The following SLC25A48 variants were observed in gnomAD, a reference collection of about 807,000 sequenced individuals.
SLC25A48 encodes the protein solute carrier family 25 member 48, also known as CTC-321K16.1.
Under a neutral mutation model 32.2 loss-of-function variants are expected in SLC25A48, and 29 were observed. That is an observed-to-expected ratio of 0.90 (90% CI 0.67 to 1.23). The LOEUF (loss-of-function observed/expected upper bound fraction) is 1.23, where lower values mean the gene tolerates loss of function less well. Among genes scored for constraint, SLC25A48 ranks in the 50% most tolerant of loss-of-function variants. The pLI, the probability that SLC25A48 is intolerant of heterozygous loss-of-function variation, is 0.00. For missense variants in SLC25A48, 399 were observed against 422.7 expected (o/e 0.94, Z 0.49); for synonymous variants, 164 against 172.3 (o/e 0.95, Z 0.38).
At position 135,779,938 on chromosome 5, in the gene SLC25A48, G is replaced by T. The variant is rs1467366053; in HGVS notation, c.-520-32585G>T. On this transcript the variant is annotated intron_variant, in intron 3 of 10. Transcript: ENST00000646290. ...TGAGATATTGATCCCAATAGGTAGG[G>T]TAAAGAATAATATTACTCCCAAGTT... Among the ~76,000 whole-genome samples the T allele has an allele frequency of 2.5e-4, 29 of 115,660 alleles. 8 individuals carry two copies. The Admixed American group carries it at 2.6e-3, about 10-fold the overall frequency. 75.9% of individuals were successfully genotyped at this position (115,660 alleles called of 152,430 possible). A position where few individuals can be genotyped will look rare whatever the true frequency, so the allele number is the denominator to read the frequency against.
At chr5:135,857,252 C>T (rs568605396) in intron 4 of SLC25A48, among the ~76,000 whole-genome samples, 1 of 152,298 alleles carries the variant, frequency 6.6e-6, no homozygotes, top group South Asian at 2.1e-4. Context: ...ATACCAGGCC[C>T]TGAGTGATAG....
rs1358073823 is a variant in SLC25A48 at position 135,651,946 on chromosome 5, G to A, written c.-521+16990G>A. 2.6e-5 allele frequency among the ~76,000 whole-genome samples: 4 copies of A among 152,336 alleles called. No homozygotes were observed. The East Asian group carries it at 5.8e-4, about 22-fold the overall frequency. The stretch of plus-strand genomic sequence containing the variant: ...GATCTCTCTCATAATGGGCACAAAC[G>A]GTGAAGATATTTGAGTCCCGTGTGA... On this transcript the variant is annotated intron_variant, in intron 3 of 10. Coordinates refer to the SLC25A48 transcript ENST00000646290.
intron 3 of SLC25A48, among the ~76,000 whole-genome samples, chr5:135,690,937 G>A (rs550369447): frequency 9.6e-6 from 1 of 104,252 alleles, no homozygotes; most frequent in East Asian, 2.5e-4. Flanking sequence ...GTGTCTTCAG[G>A]GAAGGCATTT....
chr5:135,761,608 C>G (rs1475343212), intron 3 of SLC25A48, among the ~76,000 whole-genome samples: 2 of 152,164 alleles, frequency 1.3e-5, no homozygotes, highest in East Asian at 3.9e-4. Flanking sequence ...ATGATCTACT[C>G]CAATGCAAAT....
At chr5:135,710,301 A>T (rs1357879004) in intron 3 of SLC25A48, among the ~76,000 whole-genome samples, 2 of 152,254 alleles carry the variant, frequency 1.3e-5, no homozygotes, top group African/African-American at 4.8e-5. Flanking sequence ...AATTACTGTC[A>T]TTGGGAACCT....
intron 3 of SLC25A48, among the ~76,000 whole-genome samples, chr5:135,800,805 T>C (rs1384593837): frequency 1.3e-5 from 2 of 151,616 alleles, no homozygotes; most frequent in East Asian, 3.9e-4. Context: ...GAGTGGATGA[T>C]AATACACCCC....
intron 3 of SLC25A48, among the ~76,000 whole-genome samples, chr5:135,700,489 G>A (rs1426879226): frequency 6.6e-6 from 1 of 152,118 alleles, no homozygotes; most frequent in Non-Finnish European, 1.5e-5. Context: ...CGCTATGCTA[G>A]GGGCCGAGGA....
chr5:135,759,746 A>G (rs993272863), intron 3 of SLC25A48, among the ~76,000 whole-genome samples: 1 of 152,000 alleles, frequency 6.6e-6, no homozygotes, highest in African/African-American at 2.4e-5. Context: ...ATCCTTCCAT[A>G]TACGCATCTG....
chr5:135,628,194 G>A (rs1752480530), intron 1 of SLC25A48, among the ~76,000 whole-genome samples: 1 of 152,226 alleles, frequency 6.6e-6, no homozygotes, highest in Non-Finnish European at 1.5e-5. Flanking sequence ...GGGATTAGAT[G>A]TGGAGTCTAA....
intron 3 of SLC25A48, among the ~76,000 whole-genome samples, chr5:135,715,878 A>G (rs1754784240): frequency 6.6e-6 from 1 of 152,182 alleles, no homozygotes; most frequent in African/African-American, 2.4e-5. Flanking sequence ...CTGAGGCTAA[A>G]ATCAGCTTGA....
At chr5:135,692,518 A>G (rs1488971354) in intron 3 of SLC25A48, among the ~76,000 whole-genome samples, 1 of 152,126 alleles carries the variant, frequency 6.6e-6, no homozygotes, top group Non-Finnish European at 1.5e-5. Flanking sequence ...GACAATCAAG[A>G]TGGGTTATAG....
At chr5:135,738,270 A>G (rs1182845330) in intron 3 of SLC25A48, among the ~76,000 whole-genome samples, 1 of 152,132 alleles carries the variant, frequency 6.6e-6, no homozygotes, top group Non-Finnish European at 1.5e-5. Context: ...TGCTACCCAG[A>G]TGGCCAGGGT....
chr5:135,763,194 G>A (rs1189223304), intron 3 of SLC25A48, among the ~76,000 whole-genome samples: 5 of 152,130 alleles, frequency 3.3e-5, no homozygotes, highest in African/African-American at 1.2e-4. Flanking sequence ...ATCCCTCAGT[G>A]AGAACCACAC....
rs556568386 is a variant in SLC25A48 at position 135,742,327 on chromosome 5, C to T, written c.-520-70196C>T. 6.5e-3 allele frequency: 3,879 copies of T among 592,778 alleles called. 32 individuals are homozygous for T. Among genetic ancestry groups the T allele is most frequent in the Non-Finnish European group, 8.1e-3 (3,282 of 404,282 alleles). 36.7% of individuals were successfully genotyped at this position (592,778 alleles called of 1,614,324 possible). ...AACTCCTGGCCTCAAGTGATCTGCC[C>T]GCCTTGGCCTCCCACAGTGCTGGGA... On this transcript the variant is annotated intron_variant, in intron 3 of 10. Transcript: ENST00000646290.
intron 4 of SLC25A48, among the ~76,000 whole-genome samples, chr5:135,864,237 T>C (rs1761023715): frequency 6.6e-6 from 1 of 152,208 alleles, no homozygotes; most frequent in Admixed American, 6.5e-5. Context: ...CAGAGTTGCC[T>C]GGCTGGGAGG....
chr5:135,583,761 T>C (rs904860010), intron 1 of SLC25A48, among the ~76,000 whole-genome samples: 1 of 152,160 alleles, frequency 6.6e-6, no homozygotes, highest in Non-Finnish European at 1.5e-5. Flanking sequence ...AAATACCTGC[T>C]TCCATTGTGT....
chr5:135,756,338 A>C (rs1755903244), intron 3 of SLC25A48, among the ~76,000 whole-genome samples: 3 of 152,176 alleles, frequency 2.0e-5, no homozygotes, highest in African/African-American at 7.2e-5. Flanking sequence ...TGATATTAAT[A>C]AAATATCATC....
chr5:135,663,910 T>C (rs2126936439), intron 3 of SLC25A48, among the ~76,000 whole-genome samples: 1 of 152,284 alleles, frequency 6.6e-6, no homozygotes, highest in Non-Finnish European at 1.5e-5. Flanking sequence ...GTGATGCCCG[T>C]ACATGAGCCA....
intron 3 of SLC25A48, among the ~76,000 whole-genome samples, chr5:135,684,566 T>C (rs996582459): frequency 3.9e-5 from 6 of 152,154 alleles, no homozygotes; most frequent in Non-Finnish European, 5.9e-5. Context: ...GGCCATTGAA[T>C]GTGAGCATAA....
Sources: allele counts gnomAD v4.1 joint callset (sites outside exome capture counted in the v4.1 genomes callset), GRCh38; gene constraint gnomAD v4.1.1; transcripts MANE v1.5; gene names NCBI Gene and HGNC (gene_info 2026-07-23, HGNC 2026-07-21).